Variants in SCUBE2 observed in about 807,000 individuals in gnomAD.
SCUBE2 encodes signal peptide, CUB and EGF-like domain-containing protein 2.
SCUBE2 carries 114 observed loss-of-function variants against 125.9 expected under a neutral mutation model. That is an observed-to-expected ratio of 0.91 (90% CI 0.78 to 1.06). The LOEUF is 1.06. Ranked by LOEUF, SCUBE2 falls within the 50% of genes least tolerant of loss-of-function variation. The probability of loss-of-function intolerance (pLI) is 0.00; values close to 1 mark genes in which losing one functional copy is unlikely to be tolerated. For missense variants in SCUBE2, 1,255 were observed against 1,301.8 expected, an observed-to-expected ratio of 0.96 and a Z score of 0.55; for synonymous variants, 459 against 492.9, an observed-to-expected ratio of 0.93 and a Z score of 0.91.
Position 9,031,629 on chromosome 11 carries a change from A to T in SCUBE2, c.2174-704T>A, listed in dbSNP as rs541810240. Among the ~76,000 whole-genome samples the T allele has an allele frequency of 1.6e-4, 23 of 142,382 alleles. No individual in the cohort carries two copies. The South Asian group carries it at 4.8e-3, about 30-fold the overall frequency. 93.4% of individuals were successfully genotyped at this position (142,382 alleles called of 152,430 possible). ...GGTGATCCAGAAAGACCTTGTCTCT[A>T]AAAAAAAAAAAGAGTGACCCAAAGA... On this transcript the variant is annotated intron_variant, in intron 17 of 22. Transcript: ENST00000649792.
chr11:9,045,278 T>C (rs1019545253), intron 16 of SCUBE2, among the ~76,000 whole-genome samples: 1 of 151,804 alleles, frequency 6.6e-6, no homozygotes, highest in African/African-American at 2.4e-5. Context: ...TGCTGGGGAG[T>C]TGGATTAGGG....
chr11:9,022,563 A>T (rs1224565005), intron 21 of SCUBE2: 1 of 152,602 alleles, frequency 6.6e-6, no homozygotes, highest in Non-Finnish European at 1.5e-5. Context: ...AATGACCTTC[A>T]TGTTGTTAAA....
At chr11:9,046,055 G>C (rs1373731731) in intron 16 of SCUBE2, among the ~76,000 whole-genome samples, 21 of 141,922 alleles carry the variant, frequency 1.5e-4, no homozygotes, top group Non-Finnish European at 1.6e-4. Flanking sequence ...CGCCCAGGCT[G>C]GAGTGCAGTG....
intron 18 of SCUBE2, among the ~76,000 whole-genome samples, chr11:9,030,489 A>T (rs552539669): frequency 5.3e-5 from 8 of 152,268 alleles, no homozygotes; most frequent in Admixed American, 2.0e-4. Flanking sequence ...TAGAGGAAGG[A>T]ACCAGGGGAA....
At chr11:9,032,201 T>C (rs1856369766) in intron 17 of SCUBE2, among the ~76,000 whole-genome samples, 1 of 152,122 alleles carries the variant, frequency 6.6e-6, no homozygotes, top group Admixed American at 6.5e-5. Context: ...TTACTACAGC[T>C]TGACCTCCTG....
At chr11:9,025,612 G>A (rs1349974638) in intron 21 of SCUBE2, 90 bp downstream of exon 21, 2 of 1,484,250 alleles carry the variant, frequency 1.3e-6, no homozygotes, top group Non-Finnish European at 1.8e-6. Context: ...TTCTGAGCAT[G>A]TGTGCTTGTC....
intron 16 of SCUBE2, among the ~76,000 whole-genome samples, chr11:9,038,292 G>A (rs1856910254): frequency 6.6e-6 from 1 of 152,134 alleles, no homozygotes; most frequent in African/African-American, 2.4e-5. Context: ...TTGTATATAT[G>A]CTATTTTAGA....
chr11:9,031,264 CT>C (rs1485877440), intron 17 of SCUBE2: 3 of 179,570 alleles, frequency 1.7e-5, no homozygotes, highest in African/African-American at 7.1e-5. Context: ...AGAGAGAGTT[CT>C]CTGCCCTGGG....
At chr11:9,089,553 C>G (rs1175667082) in intron 2 of SCUBE2, among the ~76,000 whole-genome samples, 154 bp downstream of exon 2, 1 of 152,172 alleles carries the variant, frequency 6.6e-6, no homozygotes, top group East Asian at 1.9e-4. Flanking sequence ...AGTCCAAGAT[C>G]TGAAATATAT....
rs533783113 is a variant in SCUBE2 at position 9,023,628 on chromosome 11, C to T, written c.2855-1673G>A. On this transcript the variant is annotated intron_variant, in intron 21 of 22. Coordinates refer to ENST00000649792, the MANE Select transcript of SCUBE2 (RefSeq NM_001367977.2). Reference sequence around the variant, plus strand: ...CTTACTTGCTCCAACTCATTAGAAACGCAGGAAAGTTACAGGTAAGAATCC... The same window carrying T: ...CTTACTTGCTCCAACTCATTAGAAATGCAGGAAAGTTACAGGTAAGAATCC... 1.1e-3 allele frequency among the ~76,000 whole-genome samples: 168 copies of T among 152,302 alleles called. 1 individual carries two copies. Among genetic ancestry groups the T allele is most frequent in the Admixed American group, 1.7e-3 (26 of 15,296 alleles).
chr11:9,050,213 A>T (rs1182591093), intron 14 of SCUBE2: 2 of 170,836 alleles, frequency 1.2e-5, no homozygotes, highest in Non-Finnish European at 2.5e-5. Flanking sequence ...CATCAAAGTT[A>T]TCCTTTCTGA....
At chr11:9,090,527 T>A (rs1161993264) in intron 1 of SCUBE2, 1 of 151,120 alleles carries the variant, frequency 6.6e-6, no homozygotes, top group African/African-American at 2.4e-5. Flanking sequence ...TTTGTGTTGG[T>A]ATATTTTATG....
At chr11:9,037,605 C>T (rs543518762) in intron 16 of SCUBE2, among the ~76,000 whole-genome samples, 1 of 152,356 alleles carries the variant, frequency 6.6e-6, no homozygotes, top group African/African-American at 2.4e-5. Context: ...CGTGGATTCC[C>T]AGGGTGCCCC....
intron 4 of SCUBE2, among the ~76,000 whole-genome samples, chr11:9,072,963 G>C (rs1388069368): frequency 6.6e-6 from 1 of 152,184 alleles, no homozygotes; most frequent in African/African-American, 2.4e-5. Context: ...GAAGTACAGG[G>C]ATAAGAGGTG....
intron 13 of SCUBE2, among the ~76,000 whole-genome samples, chr11:9,051,563 C>T (rs1228111481): frequency 6.6e-6 from 1 of 152,158 alleles, no homozygotes; most frequent in African/African-American, 2.4e-5. Context: ...CTGTTCTCCT[C>T]CCAGGGTCAG....
chr11:9,042,760 C>T (rs1400519672), intron 16 of SCUBE2, among the ~76,000 whole-genome samples: 1 of 152,178 alleles, frequency 6.6e-6, no homozygotes, highest in Non-Finnish European at 1.5e-5. Context: ...GATCACAGGC[C>T]ACATCAGAAT....
At chr11:9,051,466 A>G (rs1228270076) in intron 13 of SCUBE2, among the ~76,000 whole-genome samples, 1 of 152,170 alleles carries the variant, frequency 6.6e-6, no homozygotes, top group African/African-American at 2.4e-5. Context: ...GTTGTTCCAG[A>G]CACAGATGGC....
At chr11:9,085,268 G>C (rs1861955871) in intron 2 of SCUBE2, among the ~76,000 whole-genome samples, 1 of 152,192 alleles carries the variant, frequency 6.6e-6, no homozygotes, top group Non-Finnish European at 1.5e-5. Context: ...TAATAGCATT[G>C]TGCCAGTGTT....
chr11:9,081,677 A>AAAC (rs1861655823), intron 2 of SCUBE2, among the ~76,000 whole-genome samples: 1 of 112,530 alleles, frequency 8.9e-6, no homozygotes, highest in African/African-American at 3.3e-5. Context: ...AACAAACAAA[A>AAAC]AAAAAAAACC....
Sources: allele counts gnomAD v4.1 joint callset (sites outside exome capture counted in the v4.1 genomes callset), GRCh38; gene constraint gnomAD v4.1.1; transcripts MANE v1.5; gene names NCBI Gene and HGNC (gene_info 2026-07-23, HGNC 2026-07-21).